PDE4A: variants seen among roughly 807,000 people sequenced by gnomAD.
The protein encoded by PDE4A is phosphodiesterase 4A.
PDE4A carries 21 observed loss-of-function variants against 73.9 expected under a neutral mutation model. The ratio of observed to expected loss-of-function variants is 0.28; its 90% confidence interval spans 0.20 to 0.41. The LOEUF is 0.41. Among genes scored for constraint, PDE4A ranks in the 10% least tolerant of loss-of-function variants. The pLI is 1.00. For synonymous variants in PDE4A, 463 were observed against 505.4 expected (o/e 0.92, Z 1.13); for missense variants, 958 against 1,211.4 (o/e 0.79, Z 3.10).
chr19:10,459,831 C>G (rs1039144919), intron 10 of PDE4A, 72 bp downstream of exon 10: 2 of 1,487,832 alleles, frequency 1.3e-6, no homozygotes, highest in Non-Finnish European at 1.8e-6. Flanking sequence ...CTGTGTGTCT[C>G]TCTGACCCTG....
chr19:10,435,592 A>AC (rs398033895), intron 1 of PDE4A, among the ~76,000 whole-genome samples: 11 of 140,694 alleles, frequency 7.8e-5, no homozygotes, highest in Non-Finnish European at 1.1e-4. Context: ...ACACACACAC[A>AC]AACAAACAAA....
In PDE4A at chr19:10,420,542, G is replaced by A. The variant is rs1204471829; in HGVS notation, c.-223G>A. The A allele has an allele frequency of 2.7e-5, 31 of 1,156,724 alleles. No homozygotes were observed. Among genetic ancestry groups the A allele is most frequent in the African/African-American group, 3.2e-5 (2 of 62,090 alleles). 71.7% of individuals were successfully genotyped at this position (1,156,724 alleles called of 1,614,324 possible). ...ACGCGGAGCGCGGAGCGCGGAGAGC[G>A]CCGCCGGGCACTGAGCAGAGCTCCA... On this transcript the variant is annotated 5_prime_UTR_variant, in exon 1 of 15. Transcript: ENST00000380702. The surrounding 1 kb of genome is among the most constrained non-coding windows in gnomAD (Gnocchi z 6.0).
intron 7 of PDE4A, 58 bp from the exon 8 acceptor site, chr19:10,457,821 G>A: frequency 1.3e-6 from 2 of 1,599,362 alleles, no homozygotes; most frequent in Non-Finnish European, 1.7e-6. Flanking sequence ...GAAGAATAAG[G>A]GAGCCTCCAG....
chr19:10,426,528 C>T (rs1303629265), intron 1 of PDE4A, among the ~76,000 whole-genome samples: 3 of 152,098 alleles, frequency 2.0e-5, no homozygotes, highest in Admixed American at 1.3e-4. Context: ...TTGCCATAGA[C>T]ACATTCCCTG....
chr19:10,467,122 T>G lies in PDE4A; in HGVS notation c.2162T>G (p.Ile721Arg), dbSNP rs200501561. Residue 721 changes from isoleucine to arginine, a missense_variant, in exon 15 of 15, where the codon ATA becomes AGA. Physicochemically the swap from Ile to Arg is moderately conservative, Grantham distance 97. Around this residue, in one of 3 missense-constraint regions of PDE4A, gnomAD observed 243 missense variants for 245.9 expected, o/e 0.99. Coordinates refer to ENST00000380702, the MANE Select transcript of PDE4A (RefSeq NM_001111307.2). ...LTLEEEEEEE[I>R]SMAQIPCTAQ... ...CTGGAGGAGGAAGAGGAGGAAGAAATATCAATGGCCCAGATACCGTGCACA... is the reference window on the plus strand; with the variant it reads ...CTGGAGGAGGAAGAGGAGGAAGAAAGATCAATGGCCCAGATACCGTGCACA... 5.1e-5 allele frequency: 82 copies of G among 1,613,816 alleles called. No individual in the cohort carries two copies. Among genetic ancestry groups the G allele is most frequent in the Non-Finnish European group, 6.6e-5 (78 of 1,180,002 alleles).
chr19:10,444,847 A>G (rs566808681), intron 1 of PDE4A, among the ~76,000 whole-genome samples: 10 of 151,918 alleles, frequency 6.6e-5, no homozygotes, highest in Non-Finnish European at 1.0e-4. Context: ...TAATTTTTGT[A>G]TTTTTATTAG....
intron 10 of PDE4A, 115 bp downstream of exon 10, chr19:10,459,874 TTCTC>T (rs1210327614): frequency 3.6e-5 from 44 of 1,228,544 alleles, no homozygotes; most frequent in Non-Finnish European, 4.5e-5. Flanking sequence ...TTGACGCCAT[TTCTC>T]TCTCTTTTTT....
upstream of PDE4A, chr19:10,417,648 G>A: frequency 6.3e-7 from 1 of 1,585,780 alleles, no homozygotes; most frequent in Non-Finnish European, 8.5e-7. Flanking sequence ...ATTCCACTTT[G>A]TCCCTCCCCA....
intron 2 of PDE4A, among the ~76,000 whole-genome samples, chr19:10,446,806 C>T (rs2043012410): frequency 6.6e-6 from 1 of 151,796 alleles, no homozygotes; most frequent in African/African-American, 2.4e-5. Context: ...GTTGGCCAGG[C>T]TGGTCTCAAA....
intron 1 of PDE4A, among the ~76,000 whole-genome samples, chr19:10,442,794 T>C (rs1458425824): frequency 6.7e-6 from 1 of 148,742 alleles, no homozygotes; most frequent in Non-Finnish European, 1.5e-5. Flanking sequence ...ACTACTAATA[T>C]ATGTAATATT....
intron 1 of PDE4A, among the ~76,000 whole-genome samples, chr19:10,445,960 C>T (rs2042997708): frequency 6.6e-6 from 1 of 151,052 alleles, no homozygotes; most frequent in African/African-American, 2.4e-5. Flanking sequence ...GCCTCAGCCT[C>T]CCGAATAGCT....
chr19:10,441,681 G>GTTTTTTTTTTTTT (rs1200442230), intron 1 of PDE4A, among the ~76,000 whole-genome samples: 1 of 131,744 alleles, frequency 7.6e-6, no homozygotes. Context: ...GTCATTTTGA[G>GTTTTTTTTTTTTT]TTATTTTTTT....
At chr19:10,442,857 C>T (rs6511700) in intron 1 of PDE4A, among the ~76,000 whole-genome samples, 4,149 of 148,188 alleles carry the variant, frequency 0.028, 189 homozygotes, top group African/African-American at 0.097. Context: ...ATATTATATA[C>T]ATGCATGTAA....
At chr19:10,425,984 C>CAAAAA (rs1168197109) in intron 1 of PDE4A, among the ~76,000 whole-genome samples, 1,260 of 48,338 alleles carry the variant, frequency 0.026, 104 homozygotes, top group African/African-American at 0.034. Context: ...GAGACCCTGT[C>CAAAAA]AAAAAAAAAA....
At chr19:10,445,739 C>A (rs987452034) in intron 1 of PDE4A, among the ~76,000 whole-genome samples, 7 of 149,446 alleles carry the variant, frequency 4.7e-5, no homozygotes, top group Non-Finnish European at 1.0e-4. Flanking sequence ...CTGCACTACT[C>A]CAGCCTGGGC....
chr19:10,432,949 C>G (rs969306582), intron 1 of PDE4A, among the ~76,000 whole-genome samples: 2 of 152,142 alleles, frequency 1.3e-5, no homozygotes, highest in Admixed American at 6.5e-5. Flanking sequence ...CTCAGTGTCT[C>G]CAGCCTTACC....
At chr19:10,446,605 T>C (rs1259851890) in intron 2 of PDE4A, among the ~76,000 whole-genome samples, 196 bp downstream of exon 2, 1 of 151,752 alleles carries the variant, frequency 6.6e-6, no homozygotes, top group Non-Finnish European at 1.5e-5. Context: ...TTTCTTTTTT[T>C]CTTTTTTGAG....
At chr19:10,465,892 G>A (rs990849288) in intron 14 of PDE4A, among the ~76,000 whole-genome samples, 1 of 144,688 alleles carries the variant, frequency 6.9e-6, no homozygotes, top group African/African-American at 2.5e-5. Context: ...GTAGAGACAG[G>A]GTTTCACCAT....
At chr19:10,440,127 G>A (rs1360839091) in intron 1 of PDE4A, among the ~76,000 whole-genome samples, 27 of 151,442 alleles carry the variant, frequency 1.8e-4, no homozygotes, top group African/African-American at 6.5e-4. Context: ...TGGGATTATA[G>A]GCACCCACCA....
Sources: allele counts gnomAD v4.1 joint callset (sites outside exome capture counted in the v4.1 genomes callset), GRCh38; gene constraint gnomAD v4.1.1; regional missense constraint gnomAD v4.1.1; non-coding constraint Gnocchi (gnomAD v3.1); transcripts MANE v1.5; gene names NCBI Gene and HGNC (gene_info 2026-07-23, HGNC 2026-07-21).